The following TMEM63C variants were observed in gnomAD, a reference collection of about 807,000 sequenced individuals.
TMEM63C encodes the protein osmosensitive cation channel TMEM63C.
In TMEM63C, 32 loss-of-function variants were observed where a neutral mutation model predicts 99.2. That is an observed-to-expected ratio of 0.32 (90% CI 0.24 to 0.43). The LOEUF (loss-of-function observed/expected upper bound fraction) is 0.43, where lower values mean the gene tolerates loss of function less well. TMEM63C is among the 20% of genes least tolerant of loss of function. The pLI is 1.00. For synonymous variants in TMEM63C, 376 were observed against 397.9 expected (o/e 0.94, Z 0.66); for missense variants, 826 against 1,053.0 (o/e 0.78, Z 2.98).
Position 77,228,914 on chromosome 14 carries a change from G to A in TMEM63C, c.351-2674G>A, listed in dbSNP as rs1352189366. 2.0e-5 allele frequency among the ~76,000 whole-genome samples: 3 copies of A among 152,182 alleles called. No homozygotes were observed. The East Asian group carries it at 5.8e-4, about 29-fold the overall frequency. On this transcript the variant is annotated intron_variant, in intron 6 of 23. Coordinates refer to ENST00000298351, the MANE Select transcript of TMEM63C (RefSeq NM_020431.4). ...AATCCTGACAAGGGGGCAGGGGTGG[G>A]TAAACCATGGTGTGTCCACCAGTGG... is the stretch of plus-strand genomic sequence containing the variant.
intron 3 of TMEM63C, 51 bp downstream of exon 3, chr14:77,219,014 G>C: frequency 6.2e-6 from 9 of 1,458,330 alleles, no homozygotes; most frequent in Non-Finnish European, 8.1e-6. Context: ...AGACAGGGTC[G>C]AACTTTCACA....
At chr14:77,226,588 C>T (rs58660059) in intron 6 of TMEM63C, among the ~76,000 whole-genome samples, 5,781 of 152,076 alleles carry the variant, frequency 0.038, 353 homozygotes, top group African/African-American at 0.13. Context: ...GGAAGAGTTT[C>T]GACAGGCGCG....
rs755913110 is a variant in TMEM63C, at chr14:77,244,473, T to A, written c.1448+18T>A. On this transcript the variant is annotated intron_variant, in intron 16 of 23. Transcript: ENST00000298351. ...TGGACCAGGTGACCTGGGGGCCTCCTCTCGTAGCCCTGTGGTTTCTCCAGC... is the reference window on the plus strand; with the variant it reads ...TGGACCAGGTGACCTGGGGGCCTCCACTCGTAGCCCTGTGGTTTCTCCAGC... 3.1e-6 allele frequency: 5 copies of A among 1,596,522 alleles called. No homozygotes were observed. Among genetic ancestry groups the A allele is most frequent in the South Asian group, 1.1e-5 (1 of 90,688 alleles).
chr14:77,234,493 A>G (rs1413142518), intron 8 of TMEM63C, among the ~76,000 whole-genome samples: 1 of 152,212 alleles, frequency 6.6e-6, no homozygotes, highest in Non-Finnish European at 1.5e-5. Context: ...GCAAAAAGCC[A>G]TCAATCTCCA....
intron 7 of TMEM63C, among the ~76,000 whole-genome samples, chr14:77,231,978 A>C (rs1261618191): frequency 6.6e-6 from 1 of 152,196 alleles, no homozygotes; most frequent in Non-Finnish European, 1.5e-5. Flanking sequence ...TTCAGTTTGG[A>C]ACTGAGTGTT....
chr14:77,199,940 AAGG>A (rs1280840350), intron 1 of TMEM63C, among the ~76,000 whole-genome samples: 1 of 152,150 alleles, frequency 6.6e-6, no homozygotes, highest in African/African-American at 2.4e-5. Context: ...GGAGCCGGTG[AAGG>A]ACGAGGAGAG....
intron 22 of TMEM63C, among the ~76,000 whole-genome samples, chr14:77,252,294 A>AG (rs925895800): frequency 5.3e-5 from 8 of 151,856 alleles, no homozygotes; most frequent in South Asian, 2.1e-4. Flanking sequence ...ATTCAAAAAG[A>AG]GGGGGGATTG....
intron 1 of TMEM63C, among the ~76,000 whole-genome samples, chr14:77,204,131 T>G (rs1440742916): frequency 6.6e-6 from 1 of 152,228 alleles, no homozygotes; most frequent in African/African-American, 2.4e-5. Flanking sequence ...AGTGGGGACT[T>G]GTTACCACGG....
chr14:77,225,358 T>G (rs1594860124), intron 5 of TMEM63C, 66 bp from the exon 6 acceptor site: 1 of 1,530,962 alleles, frequency 6.5e-7, no homozygotes, highest in South Asian at 1.2e-5. Flanking sequence ...GCCGCCTGGG[T>G]TCCCAGAGCT....
At chr14:77,236,800 T>C (rs440094) in intron 9 of TMEM63C, 68 bp downstream of exon 9, 83,978 of 1,093,566 alleles carry the variant, frequency 0.077, 3,443 homozygotes, top group Admixed American at 0.1. Context: ...GCTGACCACT[T>C]CCAACCCTCA....
chr14:77,201,521 G>A (rs571124789), intron 1 of TMEM63C, among the ~76,000 whole-genome samples: 3 of 152,312 alleles, frequency 2.0e-5, no homozygotes, highest in Admixed American at 6.5e-5. Context: ...CTGTTCTATG[G>A]TCTAGGATAG....
chr14:77,184,847 G>A (rs1484942969), intron 1 of TMEM63C, among the ~76,000 whole-genome samples: 3 of 152,184 alleles, frequency 2.0e-5, no homozygotes, highest in East Asian at 1.9e-4. Context: ...GGCAGCTCAC[G>A]AAGTATGGTG....
rs773117217 is a variant in TMEM63C at position 77,253,308 on chromosome 14, G to T, written c.2152G>T (p.Glu718Ter). The T allele has an allele frequency of 6.2e-7, 1 of 1,611,458 alleles. No individual in the cohort carries two copies. The highest frequency in any genetic ancestry group is 1.7e-5 in the Admixed American group (1 of 59,818). ...KLRMVADYEP[E>*]EEEIQTVFDM... Reference sequence around the variant, plus strand: ...CCACCACCTCTCCCTGCTGCAGCCCGAGGAGGAGGAGATCCAGACAGTGTT... The same window carrying T: ...CCACCACCTCTCCCTGCTGCAGCCCTAGGAGGAGGAGATCCAGACAGTGTT... Residue 718 changes from glutamate (E) to a stop codon, truncating the protein, a stop_gained, in exon 23 of 24, where the codon GAG becomes TAG. Coordinates refer to ENST00000298351, the MANE Select transcript of TMEM63C (RefSeq NM_020431.4). LOFTEE classifies it high-confidence loss of function.
chr14:77,245,939 G>C lies in TMEM63C; in HGVS notation c.1449-1G>C. 6.2e-7 allele frequency: 1 copy of C among 1,613,162 alleles called. No individual in the cohort carries two copies. Among genetic ancestry groups the C allele is most frequent in the Non-Finnish European group, 8.5e-7 (1 of 1,179,126 alleles). ...ATGAATATCTCTCTGTTTCCTTCTA[G>C]ATCAAGTCAGAATCTGGTCATGGTG... On this transcript the variant is annotated splice_acceptor_variant, in intron 16 of 23. Coordinates refer to ENST00000298351, the MANE Select transcript of TMEM63C (RefSeq NM_020431.4). LOFTEE classifies it high-confidence loss of function.
At chr14:77,208,865 T>C (rs1392021697) in intron 1 of TMEM63C, among the ~76,000 whole-genome samples, 1 of 152,248 alleles carries the variant, frequency 6.6e-6, no homozygotes, top group Non-Finnish European at 1.5e-5. Context: ...GAAATGCCTT[T>C]GCCCAGCATG....
At chr14:77,204,276 A>G (rs1356937116) in intron 1 of TMEM63C, among the ~76,000 whole-genome samples, 1 of 152,144 alleles carries the variant, frequency 6.6e-6, no homozygotes, top group East Asian at 1.9e-4. Flanking sequence ...ACAGAAACAG[A>G]TGCCTCAGTC....
chr14:77,245,555 G>T (rs910030936), intron 16 of TMEM63C, among the ~76,000 whole-genome samples: 2 of 152,206 alleles, frequency 1.3e-5, no homozygotes, highest in African/African-American at 4.8e-5. Flanking sequence ...AGGAAAAAGG[G>T]TTTATTGGAC....
Position 77,253,389 on chromosome 14 carries a change from T to C in TMEM63C, c.2220+13T>C. On this transcript the variant is annotated intron_variant, in intron 23 of 23. Coordinates refer to ENST00000298351, the MANE Select transcript of TMEM63C (RefSeq NM_020431.4). ...GCCCACCTCCCTCGTGAGTCCTGAG[T>C]CCCAGGGACAGGTTGGGAGGGTGGT... is the stretch of plus-strand genomic sequence containing the variant. 1 of 1,604,766 alleles carries C rather than the reference T, an allele frequency of 6.2e-7. No individual in the cohort carries two copies. Among genetic ancestry groups the C allele is most frequent in the Non-Finnish European group, 8.5e-7 (1 of 1,175,876 alleles).
At chr14:77,209,495 G>A (rs1311674550) in intron 1 of TMEM63C, among the ~76,000 whole-genome samples, 1 of 152,198 alleles carries the variant, frequency 6.6e-6, no homozygotes, top group Non-Finnish European at 1.5e-5. Flanking sequence ...ACCATGAAAA[G>A]TATAAGAGAA....
Sources: gnomAD v4.1 joint callset for allele counts (sites outside exome capture counted in the v4.1 genomes callset) on GRCh38, gnomAD v4.1.1 for gene constraint, MANE v1.5 for transcripts, NCBI Gene and HGNC (gene_info 2026-07-23, HGNC 2026-07-21) for gene names.